Variants in VRK2 observed in about 807,000 individuals in gnomAD.
VRK2 encodes VRK serine/threonine kinase 2, also known as serine/threonine-protein kinase VRK2.
Under a neutral mutation model 57.6 loss-of-function variants are expected in VRK2, and 60 were observed. That is an observed-to-expected ratio of 1.04 (90% CI 0.85 to 1.29). The LOEUF (loss-of-function observed/expected upper bound fraction) is 1.29, where lower values mean the gene tolerates loss of function less well. Ranked by LOEUF, VRK2 falls within the 50% of genes most tolerant of loss-of-function variation. VRK2 has a pLI of 0.00. For missense variants in VRK2, 705 were observed against 588.1 expected (o/e 1.20, Z -2.06); for synonymous variants, 231 against 199.2 (o/e 1.16, Z -1.35).
chr2:58,059,415 C>A (rs1677006751), intron 2 of VRK2, among the ~76,000 whole-genome samples: 1 of 151,712 alleles, frequency 6.6e-6, no homozygotes, highest in Non-Finnish European at 1.5e-5. Context: ...TAATAAGCAC[C>A]ATATAAAAAT....
intron 7 of VRK2, among the ~76,000 whole-genome samples, chr2:58,102,797 C>T (rs998818627): frequency 3.3e-5 from 5 of 151,574 alleles, no homozygotes; most frequent in African/African-American, 7.3e-5. Context: ...TACTCATCAT[C>T]ACAGGGAACA....
intron 1 of VRK2, among the ~76,000 whole-genome samples, chr2:57,959,813 G>T (rs1355104647): frequency 6.6e-6 from 1 of 152,098 alleles, no homozygotes; most frequent in Non-Finnish European, 1.5e-5. Context: ...CCCCTTTAAT[G>T]CTGTTTCAGT....
Position 58,018,738 on chromosome 2 carries a change from G to C in VRK2, c.-438-6927G>C, listed in dbSNP as rs568551958. The stretch of plus-strand genomic sequence containing the variant: ...ACAGTATGGCTAAGAACAAAACTCT[G>C]ATTTTTTTTCTTGTAATTCTCTTCT... On this transcript the variant is annotated intron_variant, in intron 1 of 15. Coordinates refer to the VRK2 transcript ENST00000417641. Among the ~76,000 whole-genome samples the C allele has an allele frequency of 8.5e-5, 13 of 152,184 alleles. No individual in the cohort carries two copies. In the South Asian group the frequency reaches 2.7e-3, roughly 32 times the overall value.
chr2:57,957,844 T>C (rs1197488382), intron 1 of VRK2, among the ~76,000 whole-genome samples: 3 of 152,086 alleles, frequency 2.0e-5, no homozygotes, highest in East Asian at 1.9e-4. Context: ...TTCTCAACAC[T>C]ATCTGACATT....
intron 1 of VRK2, among the ~76,000 whole-genome samples, chr2:58,022,828 T>C (rs1025609796): frequency 5.9e-5 from 9 of 152,022 alleles, no homozygotes; most frequent in Non-Finnish European, 1.3e-4. Context: ...TGAGCCAAGA[T>C]CACACCACTG....
At chr2:57,942,914 C>T (rs1302816145) in intron 1 of VRK2, among the ~76,000 whole-genome samples, 1 of 152,172 alleles carries the variant, frequency 6.6e-6, no homozygotes, top group Admixed American at 6.5e-5. Context: ...TGGAATGCAG[C>T]ACTTCTGACA....
chr2:58,113,726 A>G (rs563407278), intron 7 of VRK2, among the ~76,000 whole-genome samples: 5 of 152,206 alleles, frequency 3.3e-5, no homozygotes, highest in Admixed American at 1.3e-4. Context: ...ACAAATCACA[A>G]TGGTGGAATG....
chr2:58,152,357 C>T (rs1320270322), intron 12 of VRK2, among the ~76,000 whole-genome samples: 1 of 151,808 alleles, frequency 6.6e-6, no homozygotes, highest in South Asian at 2.1e-4. Context: ...GTGTAAGAAC[C>T]TTAAAAATAT....
chr2:57,945,377 C>T (rs529609736), intron 1 of VRK2, among the ~76,000 whole-genome samples: 6 of 152,162 alleles, frequency 3.9e-5, no homozygotes, highest in Non-Finnish European at 8.8e-5. Flanking sequence ...TTGCCTAGAT[C>T]GAGTCTATCA....
chr2:57,919,188 A>C (rs7572606), intron 1 of VRK2, among the ~76,000 whole-genome samples: 4,618 of 152,174 alleles, frequency 0.03, 247 homozygotes, highest in African/African-American at 0.11. Context: ...AGATAGCCTA[A>C]AAGTAAGTAT....
At position 58,137,927 on chromosome 2, in the gene VRK2, T is replaced by TCACAAAA. The variant is rs1447770221; in HGVS notation, c.857-1739_857-1738insCACAAAA. On this transcript the variant is annotated intron_variant, in intron 10 of 12. Coordinates refer to ENST00000340157, the MANE Select transcript of VRK2 (RefSeq NM_006296.7). ...ACATCACAATATCTACGCTTCAGGT[T>TCACAAAA]TGTAATAATAAATTTATAATGGAAA... 6.1e-4 allele frequency among the ~76,000 whole-genome samples: 93 copies of TCACAAAA among 152,290 alleles called. 1 individual carries two copies. The East Asian group carries it at 0.017, about 28-fold the overall frequency.
intron 1 of VRK2, among the ~76,000 whole-genome samples, chr2:57,972,614 T>C (rs1327823882): frequency 1.3e-5 from 2 of 151,898 alleles, no homozygotes; most frequent in Non-Finnish European, 2.9e-5. Flanking sequence ...ATTTGTCTCA[T>C]TTTAATTTTG....
rs201349813 is a variant in VRK2, at chr2:57,962,697, ATCT to A, written c.-439+54860_-439+54862del. Among the ~76,000 whole-genome samples the A allele has an allele frequency of 5.7e-4, 87 of 152,312 alleles. No homozygotes were observed. In the East Asian group the frequency reaches 0.016, roughly 28 times the overall value. ...ATTTCCGGTCTCTATGTCTGATATC[ATCT>A]TATTCAAGTTTATGAATTTTTAAAA... On this transcript the variant is annotated intron_variant, in intron 1 of 15. Coordinates refer to the VRK2 transcript ENST00000417641.
At chr2:58,011,035 C>A (rs570917565) in intron 1 of VRK2, among the ~76,000 whole-genome samples, 5 of 152,280 alleles carry the variant, frequency 3.3e-5, no homozygotes, top group Admixed American at 2.0e-4. Flanking sequence ...ACTAGCTGGC[C>A]TCCATACCTT....
intron 1 of VRK2, among the ~76,000 whole-genome samples, chr2:57,948,316 T>C (rs563565538): frequency 6.6e-6 from 1 of 152,312 alleles, no homozygotes; most frequent in East Asian, 1.9e-4. Flanking sequence ...GCCATACTTA[T>C]TTAGTTGACC....
At chr2:58,044,320 C>A (rs574807455), upstream of VRK2, among the ~76,000 whole-genome samples, 40 of 152,300 alleles carry the variant, frequency 2.6e-4, no homozygotes, top group African/African-American at 8.9e-4. Flanking sequence ...CACCTCGTTA[C>A]CTAGACTCAG....
intron 2 of VRK2, among the ~76,000 whole-genome samples, chr2:58,063,443 C>A (rs1185792893): frequency 3.3e-5 from 5 of 151,682 alleles, no homozygotes; most frequent in Admixed American, 3.3e-4. Context: ...CCCTGAATAC[C>A]CTGACTTGGT....
At chr2:58,066,878 A>T (rs1413673172) in intron 2 of VRK2, among the ~76,000 whole-genome samples, 1 of 152,170 alleles carries the variant, frequency 6.6e-6, no homozygotes, top group East Asian at 1.9e-4. Flanking sequence ...ATTGGATTGA[A>T]GGATGTGAAG....
chr2:58,123,043 A>G, intron 7 of VRK2, 58 bp from the exon 8 acceptor site: 1 of 1,541,342 alleles, frequency 6.5e-7, no homozygotes, highest in Non-Finnish European at 8.7e-7. Flanking sequence ...ACTTAATTAT[A>G]AAGGTTATGT....
Sources: allele counts gnomAD v4.1 joint callset (sites outside exome capture counted in the v4.1 genomes callset), GRCh38; gene constraint gnomAD v4.1.1; transcripts MANE v1.5; gene names NCBI Gene and HGNC (gene_info 2026-07-23, HGNC 2026-07-21).